Variants in LIMK2 observed in about 807,000 individuals in gnomAD.
LIMK2 encodes LIM domain kinase 2.
A neutral mutation model predicts 75.7 loss-of-function variants in LIMK2; 35 were observed. That is an observed-to-expected ratio of 0.46 (90% confidence interval 0.35 to 0.61). The LOEUF is 0.61. Ranked by LOEUF, LIMK2 falls within the 20% of genes least tolerant of loss-of-function variation. LIMK2 has a pLI of 0.00. For missense variants in LIMK2, 623 were observed against 831.0 expected (o/e 0.75, Z 3.08); for synonymous variants, 301 against 319.2 (o/e 0.94, Z 0.61).
chr22:31,236,018 G>A (rs2048570659), intron 2 of LIMK2, among the ~76,000 whole-genome samples: 1 of 152,244 alleles, frequency 6.6e-6, no homozygotes, highest in South Asian at 2.1e-4. Flanking sequence ...GGAGAGGCCA[G>A]GCGTAGTGGC....
chr22:31,248,803 T>TC, intron 2 of LIMK2: 1 of 1,609,650 alleles, frequency 6.2e-7, no homozygotes, highest in Non-Finnish European at 8.5e-7. Context: ...TCTCCATCTC[T>TC]CCTGGCCCCT....
chr22:31,258,809 G>T (rs2048810197), intron 3 of LIMK2: 1 of 414,862 alleles, frequency 2.4e-6, no homozygotes, highest in South Asian at 2.7e-5. Flanking sequence ...ACCTGCTCTG[G>T]ACAAACGACT....
chr22:31,234,341 CAAAA>C (rs1049235510), intron 2 of LIMK2, among the ~76,000 whole-genome samples: 2 of 139,876 alleles, frequency 1.4e-5, no homozygotes, highest in African/African-American at 5.4e-5. Flanking sequence ...AAAAAAAAAA[CAAAA>C]AAAAACTTGA....
chr22:31,272,523 C>T lies in LIMK2; in HGVS notation c.1384-7C>T, dbSNP rs2048969931. ...ATGAAGTCCTGACCTGTCTTTTATC[C>T]TACCAGGACAAGACTGTGGTGGTGG... On this transcript the variant is annotated splice_region_variant and splice_polypyrimidine_tract_variant and intron_variant, in intron 12 of 15. Coordinates refer to ENST00000331728, the MANE Select transcript of LIMK2 (RefSeq NM_005569.4). 1.9e-6 allele frequency: 3 copies of T among 1,604,710 alleles called. No individual in the cohort carries two copies. Among genetic ancestry groups the T allele is most frequent in the Non-Finnish European group, 1.7e-6 (2 of 1,176,492 alleles).
chr22:31,266,054 T>C lies in LIMK2; in HGVS notation c.963T>C (p.Tyr321=), dbSNP rs2048891872. ...RSESLRCSSS[Y]SQQIFRPCDL... is the part of the protein sequence containing the mutation. Reference sequence around the variant, plus strand: ...AATCCCTTCGTTGTTCCAGCAGCTATTCACAGCAGATCTTCCGGCCCTGTG... The same window carrying C: ...AATCCCTTCGTTGTTCCAGCAGCTACTCACAGCAGATCTTCCGGCCCTGTG... Residue 321 remains tyrosine, a synonymous_variant, in exon 8 of 16, where the codon TAT becomes TAC. Transcript: ENST00000331728. 1.2e-6 allele frequency: 2 copies of C among 1,614,218 alleles called. No individual in the cohort carries two copies. The highest frequency in any genetic ancestry group is 1.7e-6 in the Non-Finnish European group (2 of 1,180,036).
At chr22:31,278,185 G>C in intron 15 of LIMK2, 112 bp from the exon 16 acceptor site, 4 of 858,190 alleles carry the variant, frequency 4.7e-6, no homozygotes, top group Non-Finnish European at 7.3e-6. Context: ...CTAGGTGAAG[G>C]AGTTTGCCTG....
intron 1 of LIMK2, among the ~76,000 whole-genome samples, chr22:31,221,912 T>C (rs2048437617): frequency 6.6e-6 from 1 of 152,206 alleles, no homozygotes; most frequent in Non-Finnish European, 1.5e-5. Flanking sequence ...AAAGAATGAC[T>C]GAAGCGGGTC....
At chr22:31,273,613 C>A in intron 14 of LIMK2, 106 bp downstream of exon 14, 1 of 850,936 alleles carries the variant, frequency 1.2e-6, no homozygotes, top group Non-Finnish European at 2.0e-6. Flanking sequence ...TGACTAAAAT[C>A]AACATGGGTG....
In LIMK2 at chr22:31,225,785, A is replaced by G; in HGVS notation, c.82A>G (p.Thr28Ala). 1 of 1,614,088 alleles carries G rather than the reference A, an allele frequency of 6.2e-7. No individual in the cohort carries two copies. The highest frequency in any genetic ancestry group is 8.5e-7 in the Non-Finnish European group (1 of 1,179,948). Reference protein sequence around the residue: ...HIAPSQIWYRTVNETWHGSCF... With the variant: ...HIAPSQIWYRAVNETWHGSCF... The stretch of plus-strand genomic sequence containing the variant: ...TGCTCCAAGCCAGATATGGTACAGG[A>G]CTGTCAACGAAACCTGGCACGGCTC... Residue 28 changes from threonine (T) to alanine (A), a missense_variant, in exon 2 of 16, where the codon ACT becomes GCT. Physicochemically the swap from Thr to Ala is moderately conservative, Grantham distance 58. Coordinates refer to ENST00000331728, the MANE Select transcript of LIMK2 (RefSeq NM_005569.4).
At chr22:31,249,129 C>T (rs993012263) in intron 2 of LIMK2, among the ~76,000 whole-genome samples, 1 of 152,186 alleles carries the variant, frequency 6.6e-6, no homozygotes, top group Admixed American at 6.5e-5. Context: ...CATGTCTTAC[C>T]TGCGGGCCAT....
At position 31,265,993 on chromosome 22, in the gene LIMK2, AGCCCCT is replaced by A; in HGVS notation, c.905_910del (p.Pro302_Leu303del). 6.2e-7 allele frequency: 1 copy of A among 1,614,058 alleles called. No individual in the cohort carries two copies. The highest frequency in any genetic ancestry group is 8.5e-7 in the Non-Finnish European group (1 of 1,180,014). ...TCCCCTGGCCCCAGCTCCCCAAAGG[AGCCCCT>A]GCTGTTCAGCCGTGACATCAGCCGC... is the stretch of plus-strand genomic sequence containing the variant. On this transcript the variant is annotated inframe_deletion, in exon 8 of 16. Transcript: ENST00000331728.
chr22:31,250,353 G>A (rs922045338), intron 2 of LIMK2, among the ~76,000 whole-genome samples: 2 of 152,182 alleles, frequency 1.3e-5, no homozygotes, highest in African/African-American at 4.8e-5. Context: ...AGGCAGGGAA[G>A]CCAGGGAGGA....
chr22:31,267,999 C>A, intron 10 of LIMK2, 92 bp downstream of exon 10: 1 of 1,547,110 alleles, frequency 6.5e-7, no homozygotes, highest in Non-Finnish European at 8.9e-7. Context: ...GGCAGAGGGG[C>A]CCTGCTTTGC....
rs572975675 is a variant in LIMK2, at chr22:31,259,198, A to G, written c.330A>G (p.Ala110=). The part of the protein sequence containing the change: ...SCKVIIEDGD[A]YALVQHATLY... ...AGGTGATCATTGAGGATGGGGATGC[A>G]TATGCACTGGTGCAGCATGCCACCC... The change falls in exon 4 of 16, where the codon GCA becomes GCG. Residue 110 remains alanine (A), a synonymous_variant. Transcript: ENST00000331728. 1.9e-6 allele frequency: 3 copies of G among 1,612,340 alleles called. No homozygotes were observed. Among genetic ancestry groups the G allele is most frequent in the East Asian group, 2.2e-5 (1 of 44,868 alleles).
chr22:31,214,718 G>T (rs1293367684), intron 1 of LIMK2, among the ~76,000 whole-genome samples: 2 of 152,268 alleles, frequency 1.3e-5, no homozygotes, highest in East Asian at 3.9e-4. Flanking sequence ...AGAGGAAACA[G>T]CATAAAAAGG....
intron 2 of LIMK2, among the ~76,000 whole-genome samples, chr22:31,239,212 A>G (rs2048604620): frequency 6.6e-6 from 1 of 152,258 alleles, no homozygotes; most frequent in South Asian, 2.1e-4. Context: ...CCAAACTGGC[A>G]ACTAAAGATC....
intron 7 of LIMK2, among the ~76,000 whole-genome samples, chr22:31,263,579 C>T (rs1215905305): frequency 6.6e-6 from 1 of 152,094 alleles, no homozygotes; most frequent in Non-Finnish European, 1.5e-5. Flanking sequence ...GTGGCTCATG[C>T]CTGTAATCCC....
intron 2 of LIMK2, among the ~76,000 whole-genome samples, chr22:31,240,533 C>A (rs575607396): frequency 9.1e-4 from 138 of 151,998 alleles, no homozygotes; most frequent in African/African-American, 3.2e-3. Flanking sequence ...AAGTGATTCC[C>A]CTGCCTCAGC....
rs66641491 is a variant in LIMK2, at chr22:31,228,021, CGTGTGT to C, written c.116+2226_116+2231del. ...TGCTAGCTTGTTAGCTCTGTGCGTGCGTGTGTGTGTGTGTGTGTGTGTGTGTGTGAG... is the reference window on the plus strand; with the variant it reads ...TGCTAGCTTGTTAGCTCTGTGCGTGCGTGTGTGTGTGTGTGTGTGTGTGAG... On this transcript the variant is annotated intron_variant, in intron 2 of 15. Coordinates refer to ENST00000331728, the MANE Select transcript of LIMK2 (RefSeq NM_005569.4). 1.4e-3 allele frequency among the ~76,000 whole-genome samples: 211 copies of C among 147,596 alleles called. 2 individuals carry two copies. The highest frequency in any genetic ancestry group is 4.8e-3 in the African/African-American group (197 of 40,636).
Sources: gnomAD v4.1 joint callset for allele counts (sites outside exome capture counted in the v4.1 genomes callset) on GRCh38, gnomAD v4.1.1 for gene constraint, MANE v1.5 for transcripts, NCBI Gene and HGNC (gene_info 2026-07-23, HGNC 2026-07-21) for gene names.